The following DRG1 variants were observed in gnomAD, a reference collection of about 807,000 sequenced individuals.
DRG1 encodes developmentally-regulated GTP-binding protein 1.
DRG1 carries 19 observed loss-of-function variants against 38.8 expected under a neutral mutation model. The observed-to-expected ratio is 0.49, with a 90% CI of 0.34 to 0.72. The LOEUF (loss-of-function observed/expected upper bound fraction) is 0.72. Ranked by LOEUF, DRG1 falls within the 30% of genes least tolerant of loss-of-function variation. DRG1 has a pLI of 0.01. For missense variants in DRG1, 299 were observed against 444.8 expected (o/e 0.67, Z 2.95); for synonymous variants, 167 against 157.5 (o/e 1.06, Z -0.45).
intron 6 of DRG1, 112 bp downstream of exon 6, chr22:31,423,522 T>TA: frequency 2.3e-4 from 212 of 914,390 alleles, no homozygotes; most frequent in Non-Finnish European, 2.8e-4. Flanking sequence ...TGTCCTACTG[T>TA]CTTTTTTTTT....
chr22:31,399,616 T>C lies in DRG1; in HGVS notation c.-68T>C. ...GCCTGCGTGCTGCAGTAGCGCCTGG[T>C]GGCGGTGGCAGTTTGCCCGCGGGTG... On this transcript the variant is annotated 5_prime_UTR_variant, in exon 1 of 9. Coordinates refer to ENST00000331457, the MANE Select transcript of DRG1 (RefSeq NM_004147.4). 1 of 1,607,856 alleles carries C rather than the reference T, an allele frequency of 6.2e-7. No homozygotes were observed. Among genetic ancestry groups the C allele is most frequent in the South Asian group, 1.1e-5 (1 of 90,978 alleles).
chr22:31,410,072 A>C (rs1225937062), intron 3 of DRG1, among the ~76,000 whole-genome samples: 1 of 152,064 alleles, frequency 6.6e-6, no homozygotes, highest in African/African-American at 2.4e-5. Context: ...TATTAGGACT[A>C]TGACTTTGGA....
intron 3 of DRG1, among the ~76,000 whole-genome samples, chr22:31,409,160 C>G (rs1409010614): frequency 6.6e-6 from 1 of 152,138 alleles, no homozygotes; most frequent in African/African-American, 2.4e-5. Context: ...TCTCGGCTCA[C>G]TGCAACCTTC....
At chr22:31,402,149 T>G (rs2049965178) in intron 2 of DRG1, among the ~76,000 whole-genome samples, 1 of 151,854 alleles carries the variant, frequency 6.6e-6, no homozygotes, top group African/African-American at 2.4e-5. Context: ...GTAAAAAAAT[T>G]GATGCAAAGG....
intron 8 of DRG1, among the ~76,000 whole-genome samples, chr22:31,429,674 G>A (rs1237668094): frequency 6.7e-6 from 1 of 149,936 alleles, no homozygotes; most frequent in Non-Finnish European, 1.5e-5. Context: ...TTTGAGACAC[G>A]GTCTCACTGT....
chr22:31,426,786 A>G lies in DRG1; in HGVS notation c.881+4A>G. On this transcript the variant is annotated splice_donor_region_variant and intron_variant, in intron 7 of 8. Transcript: ENST00000331457. The stretch of plus-strand genomic sequence containing the variant: ...ACTATCTGAAACTAGTGAGAATGTA[A>G]GTCTTTGTGGATAGGGTAATGTTGC... 1.9e-6 allele frequency: 3 copies of G among 1,613,786 alleles called. No homozygotes were observed. Among genetic ancestry groups the G allele is most frequent in the Non-Finnish European group, 2.5e-6 (3 of 1,179,836 alleles).
intron 4 of DRG1, among the ~76,000 whole-genome samples, chr22:31,417,292 A>G (rs1437833163): frequency 6.6e-6 from 1 of 151,718 alleles, no homozygotes; most frequent in East Asian, 1.9e-4. Context: ...AATCGCTTAA[A>G]CCTGGGAGGC....
At chr22:31,433,755 A>T in intron 8 of DRG1, 117 bp from the exon 9 acceptor site, 1 of 768,988 alleles carries the variant, frequency 1.3e-6, no homozygotes, top group Non-Finnish European at 2.1e-6. Flanking sequence ...AAGCTTTTGT[A>T]GGTCTATGGT....
At chr22:31,433,428 G>A (rs2050152516) in intron 8 of DRG1, among the ~76,000 whole-genome samples, 1 of 151,942 alleles carries the variant, frequency 6.6e-6, no homozygotes, top group Non-Finnish European at 1.5e-5. Flanking sequence ...CCGCCACCAT[G>A]CCCAGCTAAT....
At chr22:31,427,283 G>C (rs2050116072) in intron 8 of DRG1, 101 bp downstream of exon 8, 1 of 1,427,326 alleles carries the variant, frequency 7.0e-7, no homozygotes, top group African/African-American at 1.4e-5. Context: ...AGGCAGGAAG[G>C]AGGCTACTGA....
At chr22:31,432,095 A>C (rs1012982722) in intron 8 of DRG1, among the ~76,000 whole-genome samples, 5 of 145,656 alleles carry the variant, frequency 3.4e-5, no homozygotes, top group Non-Finnish European at 7.5e-5. Flanking sequence ...TTTTTTTGAG[A>C]TAGGGTCTTG....
chr22:31,424,486 T>A (rs1350863229), intron 6 of DRG1, among the ~76,000 whole-genome samples: 1 of 130,154 alleles, frequency 7.7e-6, no homozygotes, highest in African/African-American at 2.7e-5. Flanking sequence ...GGGCTTTGGT[T>A]TCTTTTTTTT....
chr22:31,401,770 A>T (rs1374016197), intron 2 of DRG1, among the ~76,000 whole-genome samples: 1 of 151,898 alleles, frequency 6.6e-6, no homozygotes, highest in Non-Finnish European at 1.5e-5. Flanking sequence ...AAACCAAAGT[A>T]GGGCCAGGCG....
chr22:31,412,135 C>CA (rs897692688), intron 4 of DRG1, among the ~76,000 whole-genome samples: 11 of 148,870 alleles, frequency 7.4e-5, no homozygotes, highest in African/African-American at 2.2e-4. Context: ...ACTAAAAATA[C>CA]AAAAAAAAAT....
At chr22:31,418,378 A>G (rs695770) in intron 4 of DRG1, among the ~76,000 whole-genome samples, 1 of 152,120 alleles carries the variant, frequency 6.6e-6, no homozygotes, top group Non-Finnish European at 1.5e-5. Flanking sequence ...TGATCAGTTG[A>G]GCCCAGGAGG....
Position 31,434,146 on chromosome 22 carries a change from G to A in DRG1, c.*175G>A, listed in dbSNP as rs186930380. 27 of 578,304 alleles carry A rather than the reference G, an allele frequency of 4.7e-5. 1 individual carries two copies. The highest frequency in any genetic ancestry group is 1.2e-4 in the East Asian group (4 of 33,310). The allele number at this position is 578,304 out of a possible 1,614,324, so 35.8% of individuals were successfully genotyped here. Reference sequence around the variant, plus strand: ...TTACCTTGGTGTCACCTTGTATGTCGAACTGCATAAAAGATCTGGTAGGCT... The same window carrying A: ...TTACCTTGGTGTCACCTTGTATGTCAAACTGCATAAAAGATCTGGTAGGCT... On this transcript the variant is annotated 3_prime_UTR_variant, in exon 9 of 9. Coordinates refer to ENST00000331457, the MANE Select transcript of DRG1 (RefSeq NM_004147.4).
chr22:31,399,790 T>A, intron 1 of DRG1, 65 bp downstream of exon 1: 1 of 1,611,574 alleles, frequency 6.2e-7, no homozygotes, highest in South Asian at 1.1e-5. Context: ...CGTCGCTCCT[T>A]CCTGTTCTCC....
At chr22:31,406,838 A>G (rs1350638871) in intron 3 of DRG1, among the ~76,000 whole-genome samples, 1 of 152,140 alleles carries the variant, frequency 6.6e-6, no homozygotes, top group Non-Finnish European at 1.5e-5. Context: ...TTTAATTTTT[A>G]CCTGTTTTTT....
rs1461472673 is a variant in DRG1, at chr22:31,420,257, G to A, written c.414G>A (p.Val138=). 3 of 1,613,226 alleles carry A rather than the reference G, an allele frequency of 1.9e-6. No homozygotes were observed. Among genetic ancestry groups the A allele is most frequent in the Non-Finnish European group, 2.5e-6 (3 of 1,179,458 alleles). The change falls in exon 5 of 9, where the codon GTG becomes GTA. Residue 138 remains valine (V), a splice_region_variant and synonymous_variant. Coordinates refer to ENST00000331457, the MANE Select transcript of DRG1 (RefSeq NM_004147.4). ...GKGRGRQVIA[V]ARTCNLILIV... Reference sequence around the variant, plus strand: ...GTATGTTTTTTTCTTACTCTTCAGTGGCCCGAACCTGTAACTTGATCTTGA... The same window carrying A: ...GTATGTTTTTTTCTTACTCTTCAGTAGCCCGAACCTGTAACTTGATCTTGA...
Sources: gnomAD v4.1 joint callset for allele counts (sites outside exome capture counted in the v4.1 genomes callset) on GRCh38, gnomAD v4.1.1 for gene constraint, MANE v1.5 for transcripts, NCBI Gene and HGNC (gene_info 2026-07-23, HGNC 2026-07-21) for gene names.